Variants in NXPH2 observed in about 807,000 individuals in gnomAD.
The protein encoded by NXPH2 is neurexophilin 2, also known as neurexophilin-2.
In NXPH2, 5 loss-of-function variants were observed where a neutral mutation model predicts 19.8. The ratio of observed to expected loss-of-function variants is 0.25; its 90% CI spans 0.13 to 0.53. NXPH2 has a LOEUF of 0.53. Ranked by LOEUF, NXPH2 falls within the 20% of genes least tolerant of loss-of-function variation. The probability of loss-of-function intolerance (pLI) is 0.96; values close to 1 mark genes in which losing one functional copy is unlikely to be tolerated. For synonymous variants in NXPH2, 154 were observed against 127.4 expected (o/e 1.21, Z -1.41); for missense variants, 289 against 322.8 (o/e 0.90, Z 0.80).
intron 1 of NXPH2, among the ~76,000 whole-genome samples, chr2:138,684,527 A>G (rs1413039124): frequency 6.6e-6 from 1 of 152,192 alleles, no homozygotes; most frequent in Admixed American, 6.5e-5. Context: ...CTTTATTTTT[A>G]AGAACAATAT....
chr2:138,768,752 G>A (rs1010220190), intron 1 of NXPH2, among the ~76,000 whole-genome samples: 5 of 152,166 alleles, frequency 3.3e-5, no homozygotes, highest in Non-Finnish European at 7.4e-5. Flanking sequence ...AGATGGAAAG[G>A]AAACTGTCAT....
chr2:138,733,348 A>G (rs1202366707), intron 1 of NXPH2, among the ~76,000 whole-genome samples: 3 of 152,234 alleles, frequency 2.0e-5, no homozygotes, highest in Non-Finnish European at 4.4e-5. Flanking sequence ...TATTGAGAAA[A>G]ACATCTGAAT....
intron 1 of NXPH2, among the ~76,000 whole-genome samples, chr2:138,765,943 T>C (rs1478251997): frequency 1.3e-5 from 2 of 152,202 alleles, no homozygotes; most frequent in Non-Finnish European, 2.9e-5. Context: ...TTTTAAAATA[T>C]GGAAATTAGA....
intron 1 of NXPH2, among the ~76,000 whole-genome samples, chr2:138,761,059 A>C (rs543806823): frequency 6.6e-6 from 1 of 152,262 alleles, no homozygotes; most frequent in East Asian, 1.9e-4. Flanking sequence ...CATCTATCTT[A>C]TAGGGATTTT....
chr2:138,671,244 A>G lies in NXPH2; in HGVS notation c.473T>C (p.Val158Ala). 6.2e-7 allele frequency: 1 copy of G among 1,613,918 alleles called. No individual in the cohort carries two copies. The highest frequency in any genetic ancestry group is 8.5e-7 in the Non-Finnish European group (1 of 1,179,836). ...CACCTTGGAGGGTGGTACCAAGCTC[A>G]CTGAAACATTGCCCAGGCCTGTTGA... ...HNSTGLGNVS[V>A]SLVPPSKVVE... The change falls in exon 2 of 2, where the codon GTG becomes GCG. Residue 158 changes from valine (V) to alanine (A), a missense_variant. By Grantham distance (64) the Val-to-Ala change is moderately conservative. Coordinates refer to ENST00000272641, the MANE Select transcript of NXPH2 (RefSeq NM_007226.3).
At chr2:138,754,010 G>C (rs1041289878) in intron 1 of NXPH2, among the ~76,000 whole-genome samples, 1 of 151,880 alleles carries the variant, frequency 6.6e-6, no homozygotes, top group Admixed American at 6.6e-5. Context: ...TTTGTTGTTT[G>C]TTTTTTGAGG....
chr2:138,738,230 T>A (rs1681584005), intron 1 of NXPH2, among the ~76,000 whole-genome samples: 1 of 152,138 alleles, frequency 6.6e-6, no homozygotes, highest in Non-Finnish European at 1.5e-5. Flanking sequence ...GAGTTCTATA[T>A]CTGACTTTAT....
In NXPH2 at chr2:138,669,736, ATAGGACTGC is replaced by A. The variant is rs546590279; in HGVS notation, c.*1177_*1185del. On this transcript the variant is annotated 3_prime_UTR_variant, in exon 2 of 2. Coordinates refer to ENST00000272641, the MANE Select transcript of NXPH2 (RefSeq NM_007226.3). ...TTTAATGATCATTCAGTTCTACCAT[ATAGGACTGC>A]TATTCACCCCCACAGGGAAGATGAG... 8.1e-4 allele frequency among the ~76,000 whole-genome samples: 124 copies of A among 152,270 alleles called. No homozygotes were observed. The highest frequency in any genetic ancestry group is 2.9e-3 in the African/African-American group (121 of 41,556).
chr2:138,750,976 T>G (rs1191471852), intron 1 of NXPH2, among the ~76,000 whole-genome samples: 1 of 152,090 alleles, frequency 6.6e-6, no homozygotes, highest in Non-Finnish European at 1.5e-5. Flanking sequence ...GGCCTTCTCT[T>G]GCAACCCTCT....
intron 1 of NXPH2, among the ~76,000 whole-genome samples, chr2:138,768,640 C>T (rs1160151856): frequency 6.6e-6 from 1 of 152,206 alleles, no homozygotes; most frequent in Non-Finnish European, 1.5e-5. Context: ...ATGCCTGGTT[C>T]ATACCCTTTC....
chr2:138,693,742 T>G lies in NXPH2; in HGVS notation c.52-22077A>C, dbSNP rs756189032. ...AGACAGTAGGTAGGCAAACCGTGGC[T>G]TGGGAAAAGGATGAGAGTTCTAACC... On this transcript the variant is annotated intron_variant, in intron 1 of 1. Coordinates refer to ENST00000272641, the MANE Select transcript of NXPH2 (RefSeq NM_007226.3). Among the ~76,000 whole-genome samples the G allele has an allele frequency of 3.4e-4, 52 of 152,240 alleles. 1 individual carries two copies. Among genetic ancestry groups the G allele is most frequent in the Non-Finnish European group, 6.0e-4 (41 of 68,016 alleles).
At position 138,759,994 on chromosome 2, in the gene NXPH2, G is replaced by T. The variant is rs556844109; in HGVS notation, c.51+20197C>A. 7.9e-5 allele frequency among the ~76,000 whole-genome samples: 12 copies of T among 152,218 alleles called. No individual in the cohort carries two copies. The East Asian group carries it at 2.3e-3, about 29-fold the overall frequency. ...TCCGCCCGCCTCGGCCTCCCAAAGT[G>T]CTGAGATTACAGGCATGTGCCACAG... is the stretch of plus-strand genomic sequence containing the variant. On this transcript the variant is annotated intron_variant, in intron 1 of 1. Transcript: ENST00000272641.
At chr2:138,755,247 AC>A (rs1437052402) in intron 1 of NXPH2, among the ~76,000 whole-genome samples, 1 of 151,834 alleles carries the variant, frequency 6.6e-6, no homozygotes, top group African/African-American at 2.4e-5. Flanking sequence ...CCTCTATATG[AC>A]CCAAGGTCAC....
intron 1 of NXPH2, among the ~76,000 whole-genome samples, chr2:138,773,751 T>C (rs1006638828): frequency 1.3e-5 from 2 of 152,212 alleles, no homozygotes; most frequent in African/African-American, 2.4e-5. Flanking sequence ...ACACAATTTA[T>C]GTAAATTTTG....
chr2:138,697,974 G>C (rs1299915389), intron 1 of NXPH2, among the ~76,000 whole-genome samples: 3 of 151,990 alleles, frequency 2.0e-5, no homozygotes, highest in African/African-American at 7.2e-5. Context: ...ATATAAATTA[G>C]TAAAGCATTT....
At position 138,688,146 on chromosome 2, in the gene NXPH2, C is replaced by T. The variant is rs560627190; in HGVS notation, c.52-16481G>A. On this transcript the variant is annotated intron_variant, in intron 1 of 1. Coordinates refer to ENST00000272641, the MANE Select transcript of NXPH2 (RefSeq NM_007226.3). Reference sequence around the variant, plus strand: ...ACCTTGGGCAGTATGGCCATTTTCACGATATTGATTCTTCCTATCCATGAG... The same window carrying T: ...ACCTTGGGCAGTATGGCCATTTTCATGATATTGATTCTTCCTATCCATGAG... 1.2e-3 allele frequency among the ~76,000 whole-genome samples: 183 copies of T among 152,236 alleles called. 1 individual carries two copies. The highest frequency in any genetic ancestry group is 3.4e-3 in the Middle Eastern group (1 of 294).
intron 1 of NXPH2, among the ~76,000 whole-genome samples, chr2:138,690,614 T>C (rs949386693): frequency 2.6e-5 from 4 of 152,050 alleles, no homozygotes; most frequent in African/African-American, 9.7e-5. Context: ...CAGAAAACTT[T>C]GCTCATGGCT....
intron 1 of NXPH2, among the ~76,000 whole-genome samples, chr2:138,729,301 T>G (rs1178313350): frequency 1.3e-5 from 2 of 152,154 alleles, no homozygotes; most frequent in Admixed American, 6.5e-5. Context: ...TCTCATGAGA[T>G]CTGATGGTTT....
chr2:138,685,097 G>C (rs112770624), intron 1 of NXPH2, among the ~76,000 whole-genome samples: 2 of 152,240 alleles, frequency 1.3e-5, no homozygotes, highest in African/African-American at 4.8e-5. Context: ...AAGTTAAAAA[G>C]GTTATTCTTG....
Sources: gnomAD v4.1 joint callset for allele counts (sites outside exome capture counted in the v4.1 genomes callset) on GRCh38, gnomAD v4.1.1 for gene constraint, MANE v1.5 for transcripts, NCBI Gene and HGNC (gene_info 2026-07-23, HGNC 2026-07-21) for gene names.